PLB1: variants seen among roughly 807,000 people sequenced by gnomAD.
PLB1 encodes the protein phospholipase B1, also known as phospholipase B1, membrane-associated.
Under a neutral mutation model 227.4 loss-of-function variants are expected in PLB1, and 242 were observed. The ratio of observed to expected loss-of-function variants is 1.06; its 90% CI spans 0.96 to 1.18. PLB1 has a LOEUF of 1.18. Among genes scored for constraint, PLB1 ranks in the 50% most tolerant of loss-of-function variants. PLB1 has a pLI of 0.00. For missense variants in PLB1, 1,858 were observed against 1,816.3 expected, an observed-to-expected ratio of 1.02 and a Z score of -0.42; for synonymous variants, 757 against 682.2, an observed-to-expected ratio of 1.11 and a Z score of -1.71.
At chr2:28,540,611 T>C (rs1220961011) in intron 12 of PLB1, among the ~76,000 whole-genome samples, 170 bp downstream of exon 12, 1 of 152,162 alleles carries the variant, frequency 6.6e-6, no homozygotes, top group Admixed American at 6.5e-5. Context: ...CACATCGTGG[T>C]AGTGATTTCA....
intron 56 of PLB1, among the ~76,000 whole-genome samples, chr2:28,634,498 T>C (rs1350577685): frequency 6.6e-6 from 1 of 152,156 alleles, no homozygotes; most frequent in East Asian, 1.9e-4. Context: ...TCCTACCAGG[T>C]GGCACTCCAA....
chr2:28,516,868 A>AG lies in PLB1; in HGVS notation c.117+1dup, dbSNP rs1327372299. 5.0e-6 allele frequency: 8 copies of AG among 1,613,532 alleles called. No homozygotes were observed. In the African/African-American group the frequency reaches 5.3e-5, roughly 11 times the overall value. ...ACATTGGAAGGGCAGCTATGGCCAG[A>AG]GGTAAGGGCTTTGGCTGGTGGGAGG... On this transcript the variant is annotated frameshift_variant and splice_region_variant, in exon 2 of 58. Transcript: ENST00000327757. LOFTEE classifies it high-confidence loss of function.
In PLB1 at chr2:28,496,103, G is replaced by A. The variant is rs1191557117; in HGVS notation, c.-12G>A. On this transcript the variant is annotated 5_prime_UTR_variant, in exon 1 of 58. Coordinates refer to ENST00000327757, the MANE Select transcript of PLB1 (RefSeq NM_153021.5). ...CTCTTCCAGAGGCCCGAGTCACCTG[G>A]AGCATTCTGGCATGGGGCTGCGGCC... 1 of 1,613,966 alleles carries A rather than the reference G, an allele frequency of 6.2e-7. No individual in the cohort carries two copies. Among genetic ancestry groups the A allele is most frequent in the Admixed American group, 1.7e-5 (1 of 60,024 alleles).
chr2:28,563,994 C>G (rs546621938), intron 18 of PLB1, among the ~76,000 whole-genome samples: 1 of 152,042 alleles, frequency 6.6e-6, no homozygotes, highest in South Asian at 2.1e-4. Context: ...AATCTCAGCA[C>G]TTTAGAAGGC....
At chr2:28,583,324 T>G (rs1016871697) in intron 25 of PLB1, among the ~76,000 whole-genome samples, 2 of 152,092 alleles carry the variant, frequency 1.3e-5, no homozygotes, top group Admixed American at 1.3e-4. Context: ...TAGCTGGGAT[T>G]ACAGGCACAC....
At position 28,516,846 on chromosome 2, in the gene PLB1, T is replaced by C; in HGVS notation, c.94T>C (p.Leu32=). Reference sequence around the variant, plus strand: ...CCATACCTCTCCTAGAAAGAGTACATTGGAAGGGCAGCTATGGCCAGAGGT... The same window carrying C: ...CCATACCTCTCCTAGAAAGAGTACACTGGAAGGGCAGCTATGGCCAGAGGT... ...QIHTSPRKST[L]EGQLWPETLK... Residue 32 remains leucine (L), a synonymous_variant, in exon 2 of 58, where the codon TTG becomes CTG. Coordinates refer to ENST00000327757, the MANE Select transcript of PLB1 (RefSeq NM_153021.5). 6.2e-7 allele frequency: 1 copy of C among 1,613,874 alleles called. No homozygotes were observed. The highest frequency in any genetic ancestry group is 2.2e-5 in the East Asian group (1 of 44,882).
At chr2:28,533,036 G>A (rs1671227151) in intron 9 of PLB1, among the ~76,000 whole-genome samples, 1 of 152,268 alleles carries the variant, frequency 6.6e-6, no homozygotes, top group East Asian at 1.9e-4. Flanking sequence ...CACTGTCCCT[G>A]CCACTTGTGG....
rs536476788 is a variant in PLB1 at position 28,554,489 on chromosome 2, CTTTTTT to C, written c.1147+1522_1147+1527del. Reference sequence around the variant, plus strand: ...CTACAGGCATTATCACCACACCTGCCTTTTTTTTTTTTTTTTTTTTTTTTTTTTTAA... The same window carrying C: ...CTACAGGCATTATCACCACACCTGCCTTTTTTTTTTTTTTTTTTTTTTTAA... On this transcript the variant is annotated intron_variant, in intron 17 of 57. Coordinates refer to ENST00000327757, the MANE Select transcript of PLB1 (RefSeq NM_153021.5). Among the ~76,000 whole-genome samples, 407 of 85,402 alleles carry C rather than the reference CTTTTTT, an allele frequency of 4.8e-3. 1 individual carries two copies. The highest frequency in any genetic ancestry group is 0.025 in the Middle Eastern group (3 of 122). The allele number at this position is 85,402 out of a possible 152,430, so 56.0% of individuals were successfully genotyped here.
chr2:28,516,369 C>T (rs1668851659), intron 1 of PLB1, among the ~76,000 whole-genome samples: 1 of 152,172 alleles, frequency 6.6e-6, no homozygotes, highest in African/African-American at 2.4e-5. Context: ...CTGTGATTAG[C>T]TCTTCTCCTA....
intron 53 of PLB1, 145 bp downstream of exon 53, chr2:28,629,330 A>G (rs1353331493): frequency 8.1e-6 from 5 of 617,110 alleles, no homozygotes; most frequent in Non-Finnish European, 1.4e-5. Context: ...AACATCAGGA[A>G]GTACCTCTAC....
chr2:28,561,883 T>G (rs1203471829), intron 17 of PLB1, among the ~76,000 whole-genome samples: 1 of 151,542 alleles, frequency 6.6e-6, no homozygotes, highest in Admixed American at 6.6e-5. Context: ...CAGTGAGACT[T>G]TGTCTCAAAA....
intron 43 of PLB1, among the ~76,000 whole-genome samples, chr2:28,608,411 A>G (rs574102813): frequency 1.3e-5 from 2 of 152,342 alleles, no homozygotes; most frequent in African/African-American, 4.8e-5. Context: ...GGCAACAGGC[A>G]AGACGCAGTG....
chr2:28,624,330 TCTGA>T (rs1426446244), intron 49 of PLB1, among the ~76,000 whole-genome samples: 3 of 152,366 alleles, frequency 2.0e-5, no homozygotes, highest in East Asian at 3.9e-4. Context: ...ATACTTTTTA[TCTGA>T]CTTATTTAGC....
intron 1 of PLB1, among the ~76,000 whole-genome samples, chr2:28,506,897 A>G (rs1489469291): frequency 2.0e-5 from 3 of 152,152 alleles, no homozygotes; most frequent in Non-Finnish European, 2.9e-5. Flanking sequence ...GCATTATTGC[A>G]TCTCTGAGAA....
chr2:28,555,531 C>G (rs1266480792), intron 17 of PLB1, among the ~76,000 whole-genome samples: 1 of 152,116 alleles, frequency 6.6e-6, no homozygotes. Context: ...TTATTATTTT[C>G]CTTTGATATT....
At chr2:28,631,971 C>A in intron 54 of PLB1, 65 bp from the exon 55 acceptor site, 1 of 1,370,104 alleles carries the variant, frequency 7.3e-7, no homozygotes, top group Non-Finnish European at 1.0e-6. Flanking sequence ...TCCAAGGCAG[C>A]AGGACTGGAC....
intron 9 of PLB1, among the ~76,000 whole-genome samples, chr2:28,533,293 T>C (rs1671262602): frequency 6.6e-6 from 1 of 152,200 alleles, no homozygotes; most frequent in Admixed American, 6.5e-5. Flanking sequence ...AATATTCCTG[T>C]AGCCTTCCTG....
At chr2:28,532,412 GT>G (rs1169243235) in intron 9 of PLB1, among the ~76,000 whole-genome samples, 4 of 152,180 alleles carry the variant, frequency 2.6e-5, no homozygotes, top group Admixed American at 2.6e-4. Flanking sequence ...TTGAACAGGC[GT>G]TCTGTGGGTT....
In PLB1 at chr2:28,596,986, A is replaced by G. The variant is rs573001387; in HGVS notation, c.2322-1019A>G. On this transcript the variant is annotated intron_variant, in intron 33 of 57. Transcript: ENST00000327757. ...TTCTTAAAATCCATTGGCCTGGGCCAGGCGCGGTGGCTCACGCCTGTAATC... is the reference window on the plus strand; with the variant it reads ...TTCTTAAAATCCATTGGCCTGGGCCGGGCGCGGTGGCTCACGCCTGTAATC... 1.8e-4 allele frequency among the ~76,000 whole-genome samples: 28 copies of G among 152,350 alleles called. No homozygotes were observed. The East Asian group carries it at 4.8e-3, about 26-fold the overall frequency.
Sources: gnomAD v4.1 joint callset for allele counts (sites outside exome capture counted in the v4.1 genomes callset) on GRCh38, gnomAD v4.1.1 for gene constraint, MANE v1.5 for transcripts, NCBI Gene and HGNC (gene_info 2026-07-23, HGNC 2026-07-21) for gene names.